The following ADGRL3 variants were observed in gnomAD, a reference collection of about 807,000 sequenced individuals.
ADGRL3 encodes the protein calcium-independent alpha-latrotoxin receptor 3.
In ADGRL3, 62 loss-of-function variants were observed where a neutral mutation model predicts 153.5. That is an observed-to-expected ratio of 0.40 (90% CI 0.33 to 0.50). ADGRL3 has a LOEUF of 0.50. Among genes scored for constraint, ADGRL3 ranks in the 20% least tolerant of loss-of-function variants. The pLI, the probability that ADGRL3 is intolerant of heterozygous loss-of-function variation, is 0.47. For synonymous variants in ADGRL3, 710 were observed against 672.5 expected (o/e 1.06, Z -0.86); for missense variants, 1,641 against 1,859.4 (o/e 0.88, Z 2.16).
At chr4:61,359,131 T>A (rs1235467111) in intron 1 of ADGRL3, among the ~76,000 whole-genome samples, 1 of 152,216 alleles carries the variant, frequency 6.6e-6, no homozygotes, top group Non-Finnish European at 1.5e-5. Context: ...CTATGGCTTC[T>A]ACCTTATGTA....
intron 17 of ADGRL3, among the ~76,000 whole-genome samples, chr4:61,975,540 T>G (rs1322862191): frequency 6.6e-6 from 1 of 152,142 alleles, no homozygotes; most frequent in Non-Finnish European, 1.5e-5. Flanking sequence ...TTATTTTCAT[T>G]GAGTGGGAGC....
At chr4:61,869,960 A>AAAAAAAG (rs1554051477) in intron 9 of ADGRL3, among the ~76,000 whole-genome samples, 1 of 101,884 alleles carries the variant, frequency 9.8e-6, no homozygotes, top group East Asian at 2.6e-4. Flanking sequence ...AAAAAAAAAA[A>AAAAAAAG]AGAGAGAGAG....
intron 9 of ADGRL3, among the ~76,000 whole-genome samples, chr4:61,859,172 C>T (rs2098313676): frequency 1.3e-5 from 2 of 152,132 alleles, no homozygotes. Context: ...TGAAATAGAG[C>T]TGACATTTGA....
chr4:61,869,960 A>AAAAAAAAAAAAAAGAAAGAG (rs1554051477), intron 9 of ADGRL3, among the ~76,000 whole-genome samples: 1 of 101,866 alleles, frequency 9.8e-6, no homozygotes, highest in East Asian at 2.6e-4. Context: ...AAAAAAAAAA[A>AAAAAAAAAAAAAAGAAAGAG]AGAGAGAGAG....
rs114715859 is a variant in ADGRL3 at position 61,624,305 on chromosome 4, A to G, written c.473+36865A>G. On this transcript the variant is annotated intron_variant, in intron 5 of 26. Transcript: ENST00000683033. ...AGTCAGCAAACAGCTTTTATAGGTTATTAGAGTCTAAGGGAGCTATGATAG... is the reference window on the plus strand; with the variant it reads ...AGTCAGCAAACAGCTTTTATAGGTTGTTAGAGTCTAAGGGAGCTATGATAG... Among the ~76,000 whole-genome samples, 1,506 of 152,272 alleles carry G rather than the reference A, an allele frequency of 9.9e-3. 15 individuals are homozygous for G. Among genetic ancestry groups the G allele is most frequent in the Non-Finnish European group, 0.016 (1,075 of 68,008 alleles).
chr4:61,932,577 T>C (rs76973087), intron 13 of ADGRL3, among the ~76,000 whole-genome samples: 3 of 152,160 alleles, frequency 2.0e-5, no homozygotes, highest in Admixed American at 6.6e-5. Flanking sequence ...TTTAGTTTGC[T>C]AGCATTTTGT....
intron 7 of ADGRL3, among the ~76,000 whole-genome samples, chr4:61,731,689 A>T (rs948280188): frequency 6.6e-6 from 1 of 152,104 alleles, no homozygotes; most frequent in Non-Finnish European, 1.5e-5. Context: ...CTCTGCCACA[A>T]TTATATGTAA....
At chr4:61,282,537 T>C (rs1360616771) in intron 1 of ADGRL3, among the ~76,000 whole-genome samples, 1 of 152,020 alleles carries the variant, frequency 6.6e-6, no homozygotes, top group Non-Finnish European at 1.5e-5. Flanking sequence ...GGAAGTTAGA[T>C]TTATAATGCT....
At chr4:61,859,542 A>T (rs144902586) in intron 9 of ADGRL3, among the ~76,000 whole-genome samples, 1 of 152,198 alleles carries the variant, frequency 6.6e-6, no homozygotes, top group Non-Finnish European at 1.5e-5. Flanking sequence ...TAGTGAACCA[A>T]ACTTCACATT....
intron 2 of ADGRL3, among the ~76,000 whole-genome samples, chr4:61,451,920 A>G (rs1578936371): frequency 6.6e-6 from 1 of 152,222 alleles, no homozygotes; most frequent in East Asian, 1.9e-4. Flanking sequence ...GGCTTTTGCT[A>G]CAATTGACTA....
chr4:61,656,744 G>A (rs2094452764), intron 5 of ADGRL3, among the ~76,000 whole-genome samples: 1 of 152,154 alleles, frequency 6.6e-6, no homozygotes, highest in African/African-American at 2.4e-5. Flanking sequence ...GGGAGTTACA[G>A]TAAAACAATG....
At chr4:61,915,543 A>C (rs1055590386) in intron 13 of ADGRL3, among the ~76,000 whole-genome samples, 1 of 152,072 alleles carries the variant, frequency 6.6e-6, no homozygotes, top group African/African-American at 2.4e-5. Flanking sequence ...TCTCTGGTGG[A>C]AAATTAATAG....
At chr4:61,959,264 G>A (rs1219184414) in intron 17 of ADGRL3, among the ~76,000 whole-genome samples, 1 of 152,080 alleles carries the variant, frequency 6.6e-6, no homozygotes, top group Non-Finnish European at 1.5e-5. Flanking sequence ...GTTTTGTAGA[G>A]CACCGTAACA....
intron 1 of ADGRL3, among the ~76,000 whole-genome samples, chr4:61,306,148 A>C (rs1022402973): frequency 5.9e-5 from 9 of 151,858 alleles, no homozygotes; most frequent in African/African-American, 2.2e-4. Context: ...CCCAGGCTGG[A>C]GTGCAGTGGC....
chr4:61,419,981 T>G (rs1237641949), intron 2 of ADGRL3, among the ~76,000 whole-genome samples: 1 of 151,950 alleles, frequency 6.6e-6, no homozygotes, highest in Non-Finnish European at 1.5e-5. Context: ...TATATATGTT[T>G]GGTAGAGACG....
Position 61,631,876 on chromosome 4 carries a change from C to G in ADGRL3, c.473+44436C>G, listed in dbSNP as rs912248116. On this transcript the variant is annotated intron_variant, in intron 5 of 26. Coordinates refer to ENST00000683033, the MANE Select transcript of ADGRL3 (RefSeq NM_001387552.1). ...TCTCCTGACCTCGTGATCTGCCCCC[C>G]TCAGCCTTCCAAAGTGCTGGGATTA... Among the ~76,000 whole-genome samples the G allele has an allele frequency of 3.9e-5, 6 of 152,156 alleles. No individual in the cohort carries two copies. The East Asian group carries it at 1.2e-3, about 29-fold the overall frequency.
intron 4 of ADGRL3, among the ~76,000 whole-genome samples, chr4:61,556,458 T>C (rs1215486518): frequency 6.6e-6 from 1 of 151,044 alleles, no homozygotes; most frequent in Non-Finnish European, 1.5e-5. Context: ...AGGTGGGAGG[T>C]GTTAGGGCAG....
intron 1 of ADGRL3, among the ~76,000 whole-genome samples, chr4:61,236,209 C>A (rs1752801421): frequency 2.0e-5 from 3 of 151,894 alleles, no homozygotes; most frequent in Admixed American, 2.0e-4. Context: ...GGGGTTTCAC[C>A]CTGTTGGCCA....
In ADGRL3 at chr4:62,076,702, C is replaced by T. The variant is rs992063573; in HGVS notation, c.*5794C>T. 5 of 151,866 alleles carry T rather than the reference C, an allele frequency of 3.3e-5. No individual in the cohort carries two copies. Among genetic ancestry groups the T allele is most frequent in the Non-Finnish European group, 5.9e-5 (4 of 67,852 alleles). The allele number at this position is 151,866 out of a possible 1,614,324, so 9.4% of individuals were successfully genotyped here. On this transcript the variant is annotated 3_prime_UTR_variant, in exon 27 of 27. Transcript: ENST00000683033. ...TACTTTAAACACTCTTGAGATATTTCGTATCTAGCTATACCTTGTCTCAAG... is the reference window on the plus strand; with the variant it reads ...TACTTTAAACACTCTTGAGATATTTTGTATCTAGCTATACCTTGTCTCAAG...
Sources: gnomAD v4.1 joint callset for allele counts (sites outside exome capture counted in the v4.1 genomes callset) on GRCh38, gnomAD v4.1.1 for gene constraint, MANE v1.5 for transcripts, NCBI Gene and HGNC (gene_info 2026-07-23, HGNC 2026-07-21) for gene names.